Variants in MYO3B observed in about 807,000 individuals in gnomAD.
MYO3B encodes myosin-IIIb.
MYO3B carries 156 observed loss-of-function variants against 174.6 expected under a neutral mutation model. The observed-to-expected ratio is 0.89, with a 90% CI of 0.78 to 1.02. The LOEUF is 1.02. Ranked by LOEUF, MYO3B falls within the 50% of genes least tolerant of loss-of-function variation. The probability of loss-of-function intolerance (pLI) is 0.00; values close to 1 mark genes in which losing one functional copy is unlikely to be tolerated. For missense variants in MYO3B, 1,632 were observed against 1,639.4 expected (o/e 1.00, Z 0.08); for synonymous variants, 563 against 569.1 (o/e 0.99, Z 0.15).
At chr2:170,268,183 C>A (rs1286521179) in intron 7 of MYO3B, among the ~76,000 whole-genome samples, 3 of 152,062 alleles carry the variant, frequency 2.0e-5, no homozygotes, top group African/African-American at 7.2e-5. Context: ...AATGGAGTGG[C>A]CTTTATGCAT....
chr2:170,354,873 C>T (rs1158370493), intron 8 of MYO3B, among the ~76,000 whole-genome samples: 1 of 151,002 alleles, frequency 6.6e-6, no homozygotes, highest in Admixed American at 6.6e-5. Flanking sequence ...TTATTCATTC[C>T]CTTTCCTAAA....
intron 7 of MYO3B, among the ~76,000 whole-genome samples, chr2:170,291,246 A>G (rs2093593955): frequency 6.6e-6 from 1 of 152,156 alleles, no homozygotes; most frequent in Non-Finnish European, 1.5e-5. Context: ...GTGAGACTCC[A>G]TTTGAAAAAA....
At chr2:170,367,575 G>A (rs2094208325) in intron 8 of MYO3B, among the ~76,000 whole-genome samples, 1 of 152,118 alleles carries the variant, frequency 6.6e-6, no homozygotes, top group South Asian at 2.1e-4. Flanking sequence ...ATGCTAGGAG[G>A]ACTGGGCCAT....
chr2:170,295,379 C>G (rs1412643164), intron 7 of MYO3B, among the ~76,000 whole-genome samples: 2 of 150,802 alleles, frequency 1.3e-5, no homozygotes, highest in African/African-American at 2.4e-5. Flanking sequence ...TCTCTTTTCC[C>G]CCATCTATCA....
chr2:170,529,185 G>A (rs777111326), intron 30 of MYO3B, among the ~76,000 whole-genome samples: 4 of 152,056 alleles, frequency 2.6e-5, no homozygotes, highest in African/African-American at 4.8e-5. Flanking sequence ...GAGAACAACA[G>A]ACACTGGAAC....
At chr2:170,192,038 AT>A (rs1378063318) in intron 1 of MYO3B, among the ~76,000 whole-genome samples, 1 of 152,046 alleles carries the variant, frequency 6.6e-6, no homozygotes, top group Non-Finnish European at 1.5e-5. Flanking sequence ...TTGTAGGAAT[AT>A]TTTGTTATTT....
chr2:170,351,913 G>C (rs1238410673), intron 8 of MYO3B, among the ~76,000 whole-genome samples: 1 of 152,194 alleles, frequency 6.6e-6, no homozygotes, highest in Non-Finnish European at 1.5e-5. Context: ...AGCATCCAGT[G>C]TGTGATTTAG....
At chr2:170,248,730 C>T (rs2093219137) in intron 7 of MYO3B, among the ~76,000 whole-genome samples, 1 of 152,174 alleles carries the variant, frequency 6.6e-6, no homozygotes, top group African/African-American at 2.4e-5. Flanking sequence ...TTTAAAGACC[C>T]TTTTGATTAT....
intron 7 of MYO3B, among the ~76,000 whole-genome samples, chr2:170,252,246 C>T (rs955885626): frequency 3.3e-5 from 5 of 152,152 alleles, no homozygotes; most frequent in Admixed American, 6.5e-5. Context: ...AAAAACCCAA[C>T]TGTTACTAAA....
chr2:170,314,615 TTGG>T (rs1240713647), intron 7 of MYO3B, among the ~76,000 whole-genome samples: 1 of 152,200 alleles, frequency 6.6e-6, no homozygotes, highest in Non-Finnish European at 1.5e-5. Flanking sequence ...TTTTATATTA[TTGG>T]TGGGAAATTC....
chr2:170,537,116 G>A (rs771604635), intron 30 of MYO3B, among the ~76,000 whole-genome samples: 8 of 149,336 alleles, frequency 5.4e-5, no homozygotes, highest in Non-Finnish European at 1.0e-4. Flanking sequence ...CAGGAGAATC[G>A]CTTGAACCTG....
At chr2:170,490,296 G>A (rs1686382590) in intron 25 of MYO3B, among the ~76,000 whole-genome samples, 1 of 151,990 alleles carries the variant, frequency 6.6e-6, no homozygotes, top group Non-Finnish European at 1.5e-5. Context: ...CCAAAGTGCT[G>A]GGATTACAGG....
chr2:170,501,637 G>T, intron 27 of MYO3B, 148 bp from the exon 28 acceptor site: 1 of 581,774 alleles, frequency 1.7e-6, no homozygotes, highest in Non-Finnish European at 3.1e-6. Flanking sequence ...TCTCGCCATA[G>T]ATCACATACC....
At chr2:170,646,548 A>G (rs1318750029) in intron 32 of MYO3B, among the ~76,000 whole-genome samples, 1 of 151,844 alleles carries the variant, frequency 6.6e-6, no homozygotes, top group Non-Finnish European at 1.5e-5. Context: ...GTGCATGCCA[A>G]CATGCCTGGC....
intron 32 of MYO3B, chr2:170,601,990 G>C: frequency 2.3e-6 from 2 of 866,718 alleles, no homozygotes; most frequent in Non-Finnish European, 3.9e-6. Context: ...CCCTTTAGGA[G>C]GGATATAGGT....
intron 25 of MYO3B, among the ~76,000 whole-genome samples, chr2:170,491,488 C>T (rs1468395061): frequency 2.6e-5 from 4 of 151,936 alleles, no homozygotes; most frequent in Non-Finnish European, 5.9e-5. Context: ...TGCAGTGGCG[C>T]GATCTCTGCT....
chr2:170,498,840 A>T (rs1687047378), intron 26 of MYO3B, 137 bp downstream of exon 26: 2 of 615,846 alleles, frequency 3.2e-6, no homozygotes, highest in Admixed American at 5.6e-5. Context: ...CTTTGCTGGT[A>T]TTAAGTCAAG....
At chr2:170,274,361 C>G (rs1368976986) in intron 7 of MYO3B, among the ~76,000 whole-genome samples, 3 of 152,114 alleles carry the variant, frequency 2.0e-5, no homozygotes, top group Non-Finnish European at 2.9e-5. Flanking sequence ...CCTTTGCATC[C>G]TTAAATAAAA....
chr2:170,443,327 C>A (rs1286725783), intron 22 of MYO3B, among the ~76,000 whole-genome samples: 1 of 152,140 alleles, frequency 6.6e-6, no homozygotes, highest in Non-Finnish European at 1.5e-5. Flanking sequence ...CCTTTGCCCA[C>A]TTTTTGATGG....
Sources: gnomAD v4.1 joint callset for allele counts (sites outside exome capture counted in the v4.1 genomes callset) on GRCh38, gnomAD v4.1.1 for gene constraint, MANE v1.5 for transcripts, NCBI Gene and HGNC (gene_info 2026-07-23, HGNC 2026-07-21) for gene names.